Variants in ARMH4 observed in about 807,000 individuals in gnomAD.
ARMH4 encodes the protein armadillo-like helical domain-containing protein 4.
A neutral mutation model predicts 61.9 loss-of-function variants in ARMH4; 49 were observed. The observed-to-expected ratio is 0.79, with a 90% CI of 0.63 to 1.00. The LOEUF is 1.00. Among genes scored for constraint, ARMH4 ranks in the 50% least tolerant of loss-of-function variants. The pLI, the probability that ARMH4 is intolerant of heterozygous loss-of-function variation, is 0.00. For missense variants in ARMH4, 934 were observed against 930.0 expected (o/e 1.00, Z -0.06); for synonymous variants, 368 against 341.5 (o/e 1.08, Z -0.85).
At chr14:58,066,861 T>C (rs1341336567) in intron 5 of ARMH4, among the ~76,000 whole-genome samples, 8 of 152,186 alleles carry the variant, frequency 5.3e-5, no homozygotes, top group Admixed American at 5.2e-4. Flanking sequence ...AGTGTGAAAA[T>C]CATTTGTATC....
intron 6 of ARMH4, among the ~76,000 whole-genome samples, chr14:58,009,807 CAAAAAAAA>C (rs1180997628): frequency 4.3e-5 from 2 of 46,820 alleles, no homozygotes; most frequent in East Asian, 1.7e-3. Context: ...CAAGACTCTG[CAAAAAAAA>C]AAAAAAAAAA....
At position 58,138,228 on chromosome 14, in the gene ARMH4, G is replaced by A; in HGVS notation, c.1131C>T (p.Gly377=). ...LGLPEGETHT[G]TALLIAHGNE... is the part of the protein sequence containing the mutation. ...TCCCATGCGCTATTAGCAGGGCTGT[G>A]CCCGTGTGTGTTTCCCCTTCAGGCA... The change falls in exon 2 of 8, where the codon GGC becomes GGT. Residue 377 remains glycine (G), a synonymous_variant. Transcript: ENST00000267485. 6.2e-7 allele frequency: 1 copy of A among 1,614,222 alleles called. No individual in the cohort carries two copies.
chr14:58,078,299 C>G (rs2141238287), intron 5 of ARMH4, among the ~76,000 whole-genome samples: 1 of 152,296 alleles, frequency 6.6e-6, no homozygotes, highest in East Asian at 1.9e-4. Flanking sequence ...ATGTTTATAT[C>G]CCACACATGC....
At chr14:58,105,337 A>G (rs1188910101) in intron 4 of ARMH4, among the ~76,000 whole-genome samples, 3 of 152,246 alleles carry the variant, frequency 2.0e-5, no homozygotes, top group Non-Finnish European at 2.9e-5. Context: ...AAAGACACGT[A>G]CACACAATTA....
At chr14:58,032,388 T>C (rs1299977273) in intron 5 of ARMH4, among the ~76,000 whole-genome samples, 1 of 152,202 alleles carries the variant, frequency 6.6e-6, no homozygotes, top group African/African-American at 2.4e-5. Context: ...CTGAATACTA[T>C]CTACAGGAGG....
At chr14:58,126,680 A>G (rs1886905530) in intron 4 of ARMH4, among the ~76,000 whole-genome samples, 1 of 152,234 alleles carries the variant, frequency 6.6e-6, no homozygotes, top group South Asian at 2.1e-4. Context: ...AAGACAGACA[A>G]AACAGTCTTA....
intron 5 of ARMH4, among the ~76,000 whole-genome samples, chr14:58,018,331 A>G (rs1419878240): frequency 6.6e-6 from 1 of 152,142 alleles, no homozygotes; most frequent in Non-Finnish European, 1.5e-5. Context: ...ACAGAGTGAA[A>G]AGACAAGCTG....
chr14:58,046,649 T>C (rs184102165), intron 5 of ARMH4, among the ~76,000 whole-genome samples: 118 of 152,302 alleles, frequency 7.7e-4, no homozygotes, highest in African/African-American at 2.8e-3. Context: ...GGATAAAGCC[T>C]AAGTGTCTGT....
chr14:58,091,526 G>A (rs1045246425), intron 5 of ARMH4, among the ~76,000 whole-genome samples: 2 of 152,004 alleles, frequency 1.3e-5, no homozygotes, highest in Non-Finnish European at 2.9e-5. Flanking sequence ...TATAACTGAA[G>A]GCATTCTAAC....
intron 5 of ARMH4, among the ~76,000 whole-genome samples, chr14:58,049,664 C>T (rs909551536): frequency 6.6e-6 from 1 of 151,772 alleles, no homozygotes; most frequent in Non-Finnish European, 1.5e-5. Flanking sequence ...TAATATAAGA[C>T]AAGTGGTTAA....
chr14:58,090,879 C>CA (rs561257563), intron 5 of ARMH4, among the ~76,000 whole-genome samples: 4,604 of 58,890 alleles, frequency 0.078, 100 homozygotes, highest in Middle Eastern at 0.16. Flanking sequence ...GACCCTGTCT[C>CA]AAAAAAAAAA....
chr14:58,040,640 T>C (rs1462304501), intron 5 of ARMH4, among the ~76,000 whole-genome samples: 1 of 152,232 alleles, frequency 6.6e-6, no homozygotes, highest in African/African-American at 2.4e-5. Flanking sequence ...TACTTGTGTC[T>C]TTATGATAGA....
At chr14:58,081,278 CA>C (rs1309690253) in intron 5 of ARMH4, among the ~76,000 whole-genome samples, 1 of 152,108 alleles carries the variant, frequency 6.6e-6, no homozygotes, top group Non-Finnish European at 1.5e-5. Flanking sequence ...TCTCAGGCCC[CA>C]CCCAGACCTA....
At chr14:58,031,012 C>T (rs899054265) in intron 5 of ARMH4, among the ~76,000 whole-genome samples, 4 of 152,076 alleles carry the variant, frequency 2.6e-5, no homozygotes, top group Non-Finnish European at 2.9e-5. Flanking sequence ...TAGGTTATTA[C>T]TTGATATGTG....
intron 4 of ARMH4, among the ~76,000 whole-genome samples, chr14:58,104,866 G>T (rs1460585815): frequency 6.6e-6 from 1 of 152,170 alleles, no homozygotes; most frequent in African/African-American, 2.4e-5. Flanking sequence ...CAATGAGATA[G>T]ATGCGGTTTT....
intron 6 of ARMH4, among the ~76,000 whole-genome samples, chr14:58,007,675 T>G: frequency 6.6e-6 from 1 of 152,258 alleles, no homozygotes; most frequent in Admixed American, 6.5e-5. Flanking sequence ...ACTTGATTTC[T>G]TCAGCAATGA....
In ARMH4 at chr14:58,096,820, C is replaced by A; in HGVS notation, c.1993G>T (p.Glu665Ter). 6.2e-7 allele frequency: 1 copy of A among 1,614,120 alleles called. No individual in the cohort carries two copies. The highest frequency in any genetic ancestry group is 8.5e-7 in the Non-Finnish European group (1 of 1,180,022). The part of the protein sequence containing the change: ...GFTLPGITSQ[E>*]PGLEEGNMDL... The stretch of plus-strand genomic sequence containing the variant: ...ATGTTTCCCTCCTCTAAGCCTGGTT[C>A]CTGGGATGTGATACCAGGGAGGGTA... Residue 665 changes from glutamate (E) to a stop codon, truncating the protein, a stop_gained, in exon 5 of 8, where the codon GAA becomes TAA. Transcript: ENST00000267485. LOFTEE classifies it high-confidence loss of function.
chr14:58,132,463 C>T (rs1199806990), intron 3 of ARMH4, among the ~76,000 whole-genome samples: 1 of 151,900 alleles, frequency 6.6e-6, no homozygotes, highest in African/African-American at 2.4e-5. Context: ...TCACCTCATC[C>T]CCCCCGGCTC....
chr14:58,121,270 A>G lies in ARMH4; in HGVS notation c.1831+10242T>C, dbSNP rs553534748. ...AACCACTGAATATGTACAAAGCTAA[A>G]TCCTTTCATCATCATGAGCCATTCT... On this transcript the variant is annotated intron_variant, in intron 4 of 7. Coordinates refer to ENST00000267485, the MANE Select transcript of ARMH4 (RefSeq NM_001001872.4). 2.6e-5 allele frequency among the ~76,000 whole-genome samples: 4 copies of G among 152,302 alleles called. No individual in the cohort carries two copies. The South Asian group carries it at 8.3e-4, about 32-fold the overall frequency.
Sources: allele counts gnomAD v4.1 joint callset (sites outside exome capture counted in the v4.1 genomes callset), GRCh38; gene constraint gnomAD v4.1.1; transcripts MANE v1.5; gene names NCBI Gene and HGNC (gene_info 2026-07-23, HGNC 2026-07-21).